DAB1: variants seen among roughly 807,000 people sequenced by gnomAD.
DAB1 encodes the protein disabled homolog 1.
DAB1 carries 15 observed loss-of-function variants against 64.6 expected under a neutral mutation model. That is an observed-to-expected ratio of 0.23 (90% CI 0.16 to 0.36). The LOEUF (loss-of-function observed/expected upper bound fraction) is 0.36. Ranked by LOEUF, DAB1 falls within the 10% of genes least tolerant of loss-of-function variation. DAB1 has a pLI of 1.00. For synonymous variants in DAB1, 235 were observed against 251.9 expected (o/e 0.93, Z 0.64); for missense variants, 596 against 706.7 (o/e 0.84, Z 1.78).
chr1:58,305,035 A>G (rs1662274216), intron 4 of DAB1, among the ~76,000 whole-genome samples: 1 of 152,042 alleles, frequency 6.6e-6, no homozygotes, highest in Non-Finnish European at 1.5e-5. Context: ...GCTGGAGTGC[A>G]TTGGCTATTC....
At chr1:58,063,259 G>C (rs1295576032) in intron 5 of DAB1, among the ~76,000 whole-genome samples, 2 of 152,152 alleles carry the variant, frequency 1.3e-5, no homozygotes, top group African/African-American at 4.8e-5. Context: ...TGTTAAAATG[G>C]CCTTGGGGTA....
intron 1 of DAB1, chr1:57,876,968 G>A (rs535428021): frequency 6.6e-6 from 1 of 152,192 alleles, no homozygotes; most frequent in African/African-American, 2.4e-5. Context: ...TTGCAGTGAG[G>A]AAGGGGCTTT....
At chr1:57,970,922 T>C (rs973430752) in intron 5 of DAB1, among the ~76,000 whole-genome samples, 11 of 152,246 alleles carry the variant, frequency 7.2e-5, no homozygotes, top group South Asian at 2.1e-4. Context: ...TAATTCCCCA[T>C]AGGAAAAACA....
intron 10 of DAB1, among the ~76,000 whole-genome samples, chr1:57,024,075 G>A (rs1436572126): frequency 3.3e-5 from 5 of 152,102 alleles, no homozygotes; most frequent in Admixed American, 3.3e-4. Context: ...GCCCAGCTCA[G>A]GGGTTGCAAT....
intron 5 of DAB1, among the ~76,000 whole-genome samples, chr1:58,106,542 T>G (rs978905882): frequency 1.2e-4 from 19 of 152,186 alleles, no homozygotes; most frequent in African/African-American, 4.3e-4. Context: ...TAGCTCCATT[T>G]TTAAAATCAG....
chr1:58,227,661 C>A (rs529732742), intron 4 of DAB1, among the ~76,000 whole-genome samples: 1 of 152,094 alleles, frequency 6.6e-6, no homozygotes, highest in Non-Finnish European at 1.5e-5. Context: ...GGAAAAGACA[C>A]CATACATACC....
chr1:57,473,935 A>G (rs1353224592), intron 7 of DAB1, among the ~76,000 whole-genome samples: 1 of 152,234 alleles, frequency 6.6e-6, no homozygotes, highest in Non-Finnish European at 1.5e-5. Flanking sequence ...CACAGTTTCT[A>G]TTCTCAAGAA....
At chr1:58,229,160 G>A (rs1302185276) in intron 4 of DAB1, among the ~76,000 whole-genome samples, 8 of 151,902 alleles carry the variant, frequency 5.3e-5, no homozygotes, top group African/African-American at 9.7e-5. Context: ...TTAGAGACAG[G>A]GTCTCACTAT....
chr1:57,714,771 G>C (rs1228082399), intron 6 of DAB1, among the ~76,000 whole-genome samples: 1 of 152,176 alleles, frequency 6.6e-6, no homozygotes, highest in Non-Finnish European at 1.5e-5. Flanking sequence ...GAGGGCCCTT[G>C]TAGGGTGTAA....
chr1:57,996,013 C>G (rs954880748), intron 5 of DAB1, among the ~76,000 whole-genome samples: 2 of 152,180 alleles, frequency 1.3e-5, no homozygotes, highest in African/African-American at 2.4e-5. Flanking sequence ...AATCCCAGCA[C>G]TTTGGAAGAC....
intron 2 of DAB1, among the ~76,000 whole-genome samples, chr1:57,193,442 A>C (rs959782924): frequency 8.2e-6 from 1 of 122,022 alleles, no homozygotes; most frequent in African/African-American, 3.3e-5. Context: ...GCTGGAGTGC[A>C]GTGGCGCGAT....
At chr1:58,037,968 C>T (rs1354474540) in intron 5 of DAB1, among the ~76,000 whole-genome samples, 1 of 152,140 alleles carries the variant, frequency 6.6e-6, no homozygotes, top group Non-Finnish European at 1.5e-5. Flanking sequence ...GATCTACTCA[C>T]TAATTCAAGT....
intron 1 of DAB1, among the ~76,000 whole-genome samples, chr1:57,844,285 A>T (rs1347715180): frequency 6.6e-6 from 1 of 152,226 alleles, no homozygotes; most frequent in Non-Finnish European, 1.5e-5. Context: ...GCAGGACAGC[A>T]GCCCTGCTTT....
intron 1 of DAB1, among the ~76,000 whole-genome samples, chr1:57,388,725 T>C (rs1490363291): frequency 6.6e-6 from 1 of 152,206 alleles, no homozygotes; most frequent in African/African-American, 2.4e-5. Context: ...AGCTCAGCTT[T>C]CTATTCTCAC....
rs542551328 is a variant in DAB1, at chr1:57,752,480, A to G, written n.552-102815T>C. 2.6e-5 allele frequency among the ~76,000 whole-genome samples: 4 copies of G among 152,304 alleles called. No individual in the cohort carries two copies. In the East Asian group the frequency reaches 5.8e-4, roughly 22 times the overall value. ...AAGCTTGGCTCAGCTTTTAGCTGGGATGGAGTATTAGCAAATGAATGAATT... is the reference window on the plus strand; with the variant it reads ...AAGCTTGGCTCAGCTTTTAGCTGGGGTGGAGTATTAGCAAATGAATGAATT... On this transcript the variant is annotated intron_variant and non_coding_transcript_variant, in intron 6 of 20. Transcript: ENST00000485760.
chr1:57,336,497 A>G (rs1386688738), intron 1 of DAB1, among the ~76,000 whole-genome samples: 1 of 152,254 alleles, frequency 6.6e-6, no homozygotes, highest in Non-Finnish European at 1.5e-5. Flanking sequence ...TGGAACTCAC[A>G]GCAACACTAG....
At chr1:58,402,149 T>C (rs1320002531) in intron 3 of DAB1, among the ~76,000 whole-genome samples, 2 of 152,132 alleles carry the variant, frequency 1.3e-5, no homozygotes, top group South Asian at 2.1e-4. Flanking sequence ...TCTGTTGTTT[T>C]GTTCATCCAG....
intron 5 of DAB1, among the ~76,000 whole-genome samples, chr1:58,040,631 C>T (rs12740765): frequency 0.35 from 52,546 of 151,980 alleles, 10,548 homozygotes; most frequent in Non-Finnish European, 0.45. Context: ...GAGTTTCCTG[C>T]GGATTGAGAA....
chr1:57,149,841 G>A (rs17115220), intron 2 of DAB1, among the ~76,000 whole-genome samples: 14,928 of 152,094 alleles, frequency 0.098, 839 homozygotes, highest in South Asian at 0.16. Context: ...ACTGGCAGAC[G>A]TCTTACTCTT....
Sources: gnomAD v4.1 joint callset for allele counts (sites outside exome capture counted in the v4.1 genomes callset) on GRCh38, gnomAD v4.1.1 for gene constraint, MANE v1.5 for transcripts, NCBI Gene and HGNC (gene_info 2026-07-23, HGNC 2026-07-21) for gene names.